PCDHA6: variants seen among roughly 807,000 people sequenced by gnomAD.
PCDHA6 encodes protocadherin alpha-6.
Under a neutral mutation model 60.3 loss-of-function variants are expected in PCDHA6, and 55 were observed. That is an observed-to-expected ratio of 0.91 (90% CI 0.73 to 1.14). PCDHA6 has a LOEUF of 1.14. Among genes scored for constraint, PCDHA6 ranks in the 50% most tolerant of loss-of-function variants. The pLI, the probability that PCDHA6 is intolerant of heterozygous loss-of-function variation, is 0.00. For synonymous variants in PCDHA6, 652 were observed against 557.9 expected, an observed-to-expected ratio of 1.17 and a Z score of -2.38; for missense variants, 1,327 against 1,256.5, an observed-to-expected ratio of 1.06 and a Z score of -0.85.
At chr5:140,839,346 C>T (rs1354845524) in intron 1 of PCDHA6, among the ~76,000 whole-genome samples, 1 of 149,510 alleles carries the variant, frequency 6.7e-6, no homozygotes, top group African/African-American at 2.5e-5. Flanking sequence ...ATAGGGGATC[C>T]TCCTTAGCCA....
chr5:140,966,982 G>C, intron 1 of PCDHA6: 1 of 1,603,506 alleles, frequency 6.2e-7, no homozygotes, highest in Non-Finnish European at 8.5e-7. Flanking sequence ...TGCGGCGCTT[G>C]GGGCCGGGTT....
At chr5:140,952,389 ACT>A (rs2094739055) in intron 1 of PCDHA6, among the ~76,000 whole-genome samples, 2 of 151,722 alleles carry the variant, frequency 1.3e-5, no homozygotes, top group African/African-American at 4.8e-5. Flanking sequence ...GGTACCCTAA[ACT>A]CATCATTCTC....
In PCDHA6 at chr5:140,964,303, C is replaced by T. The variant is rs947126454; in HGVS notation, c.2395-14646C>T. Among the ~76,000 whole-genome samples the T allele has an allele frequency of 9.2e-5, 14 of 152,208 alleles. 1 individual carries two copies. Among genetic ancestry groups the T allele is most frequent in the Non-Finnish European group, 2.9e-5 (2 of 68,038 alleles). On this transcript the variant is annotated intron_variant, in intron 1 of 3. Coordinates refer to ENST00000529310, the MANE Select transcript of PCDHA6 (RefSeq NM_018909.4). ...AATTCTAGCTGGAGCTAAATACCTA[C>T]AAGGCCTAAAACAGCATAATGGACA... is the stretch of plus-strand genomic sequence containing the variant.
intron 1 of PCDHA6, chr5:140,841,459 C>A (rs1554138209): frequency 1.9e-6 from 3 of 1,612,886 alleles, no homozygotes; most frequent in African/African-American, 2.7e-5. Context: ...CCTTCGTGGG[C>A]CGGATCGCGC....
In PCDHA6 at chr5:140,828,462, G is replaced by A. The variant is rs2150155526; in HGVS notation, c.371G>A (p.Arg124Lys). The change falls in exon 1 of 4, where the codon AGG becomes AAG. Residue 124 changes from arginine (R) to lysine (K), a missense_variant. Coordinates refer to ENST00000529310, the MANE Select transcript of PCDHA6 (RefSeq NM_018909.4). ...LQVFHVDVEV[R>K]DINDNPPLFP... ...GTTTTCCATGTGGACGTGGAGGTGA[G>A]GGACATTAACGACAACCCGCCCTTG... 9.3e-6 allele frequency: 15 copies of A among 1,614,182 alleles called. No individual in the cohort carries two copies. Among genetic ancestry groups the A allele is most frequent in the South Asian group, 8.8e-5 (8 of 91,080 alleles).
chr5:140,835,412 A>C lies in PCDHA6; in HGVS notation c.2394+4927A>C, dbSNP rs2150235201. The C allele has an allele frequency of 4.3e-6, 7 of 1,613,988 alleles. No homozygotes were observed. The East Asian group carries it at 1.6e-4, about 36-fold the overall frequency. On this transcript the variant is annotated intron_variant, in intron 1 of 3. Coordinates refer to ENST00000529310, the MANE Select transcript of PCDHA6 (RefSeq NM_018909.4). ...CAGTTCTTGTGGAAGTTGTGGATGT[A>C]AATGACAATGCTCCACAGTTGACTC...
chr5:140,940,509 C>T lies in PCDHA6; in HGVS notation c.2395-38440C>T, dbSNP rs556405860. ...GACAAGTCTTGCTCCGTCGCTCAGG[C>T]GTGATCATAGCTCACTGCAATCTTG... On this transcript the variant is annotated intron_variant, in intron 1 of 3. Coordinates refer to ENST00000529310, the MANE Select transcript of PCDHA6 (RefSeq NM_018909.4). 2.0e-5 allele frequency among the ~76,000 whole-genome samples: 3 copies of T among 152,086 alleles called. No individual in the cohort carries two copies. In the South Asian group the frequency reaches 6.2e-4, roughly 32 times the overall value.
At chr5:140,927,108 C>T (rs782811125) in intron 1 of PCDHA6, 6 of 1,613,528 alleles carry the variant, frequency 3.7e-6, no homozygotes, top group African/African-American at 1.3e-5. Context: ...ATCTACCCAG[C>T]GGCAATTTGG....
intron 1 of PCDHA6, chr5:140,848,530 A>G (rs2150412055): frequency 6.3e-7 from 1 of 1,594,630 alleles, no homozygotes; most frequent in Non-Finnish European, 8.6e-7. Context: ...CCAGAGGGTC[A>G]GCCTCTACTG....
chr5:140,919,607 A>T (rs1357882512), intron 1 of PCDHA6, among the ~76,000 whole-genome samples: 1 of 152,158 alleles, frequency 6.6e-6, no homozygotes. Context: ...ATAAATTTTA[A>T]ACTGTATCTT....
In PCDHA6 at chr5:140,858,410, T is replaced by C; in HGVS notation, c.2394+27925T>C. ...GGTAGATGTGGACGGGGAAGATCAG[T>C]CTATTGGAGGGGACCACTCTAGGAA... On this transcript the variant is annotated intron_variant, in intron 1 of 3. Transcript: ENST00000529310. 7.7e-6 allele frequency: 12 copies of C among 1,565,560 alleles called. 2 individuals are homozygous for C. The highest frequency in any genetic ancestry group is 1.0e-5 in the Non-Finnish European group (12 of 1,147,708).
At chr5:140,869,151 C>T in intron 1 of PCDHA6, 1 of 1,613,806 alleles carries the variant, frequency 6.2e-7, no homozygotes, top group South Asian at 1.1e-5. Context: ...GACTACAGCT[C>T]TGGCTTCTCC....
intron 1 of PCDHA6, chr5:140,862,898 C>T (rs782019926): frequency 8.8e-5 from 49 of 555,816 alleles, no homozygotes; most frequent in Non-Finnish European, 7.3e-5. Flanking sequence ...ACAACTTTGT[C>T]TGCGCTGCTG....
At chr5:140,994,562 G>A (rs1554254244) in intron 3 of PCDHA6, among the ~76,000 whole-genome samples, 2 of 152,094 alleles carry the variant, frequency 1.3e-5, no homozygotes, top group Non-Finnish European at 2.9e-5. Context: ...AAAATTAGCC[G>A]GGTGTGGTGG....
chr5:140,949,012 A>G (rs1029892336), intron 1 of PCDHA6, among the ~76,000 whole-genome samples: 11 of 151,632 alleles, frequency 7.3e-5, no homozygotes, highest in African/African-American at 2.7e-4. Flanking sequence ...TTTATATGTG[A>G]TGTTTTTATT....
At chr5:140,909,439 G>C (rs1348703640) in intron 1 of PCDHA6, among the ~76,000 whole-genome samples, 1 of 152,210 alleles carries the variant, frequency 6.6e-6, no homozygotes, top group Admixed American at 6.5e-5. Context: ...ATAATCCACT[G>C]TCATTCTCCA....
intron 1 of PCDHA6, chr5:140,857,403 C>T (rs782020024): frequency 1.3e-6 from 2 of 1,598,418 alleles, no homozygotes; most frequent in African/African-American, 2.7e-5. Flanking sequence ...GACAACGCGC[C>T]TGCGTTCGCG....
chr5:140,941,191 T>TTTCTTTCTTTCTTTCTTTC (rs1487503403), intron 1 of PCDHA6, among the ~76,000 whole-genome samples: 6 of 93,258 alleles, frequency 6.4e-5, no homozygotes, highest in Middle Eastern at 5.1e-3. Flanking sequence ...GCTTCTTTTT[T>TTTCTTTCTTTCTTTCTTTC]TTTCTTTCTT....
In PCDHA6 at chr5:141,010,147, C is replaced by T. The variant is rs895381983; in HGVS notation, c.*210C>T. ...AAGTCTGGTGTTAACTCTTTCTCTC[C>T]ACTCTGGCTTGTTTTCAGAACCTAA... On this transcript the variant is annotated 3_prime_UTR_variant, in exon 4 of 4. Coordinates refer to ENST00000529310, the MANE Select transcript of PCDHA6 (RefSeq NM_018909.4). 3.2e-6 allele frequency: 5 copies of T among 1,583,190 alleles called. No homozygotes were observed. The highest frequency in any genetic ancestry group is 4.3e-6 in the Non-Finnish European group (5 of 1,163,606).
Sources: gnomAD v4.1 joint callset for allele counts (sites outside exome capture counted in the v4.1 genomes callset) on GRCh38, gnomAD v4.1.1 for gene constraint, MANE v1.5 for transcripts, NCBI Gene and HGNC (gene_info 2026-07-23, HGNC 2026-07-21) for gene names.